Variants in LIMCH1 observed in about 807,000 individuals in gnomAD.
The protein encoded by LIMCH1 is LIM and calponin homology domains-containing protein 1.
LIMCH1 carries 113 observed loss-of-function variants against 176.5 expected under a neutral mutation model. That is an observed-to-expected ratio of 0.64 (90% CI 0.55 to 0.75). LIMCH1 has a LOEUF of 0.75. Among genes scored for constraint, LIMCH1 ranks in the 30% least tolerant of loss-of-function variants. The pLI, the probability that LIMCH1 is intolerant of heterozygous loss-of-function variation, is 0.00. For missense variants in LIMCH1, 1,674 were observed against 1,814.9 expected (o/e 0.92, Z 1.41); for synonymous variants, 619 against 645.9 (o/e 0.96, Z 0.63).
intron 1 of LIMCH1, among the ~76,000 whole-genome samples, chr4:41,365,835 G>A (rs2052885133): frequency 1.3e-5 from 2 of 152,244 alleles, no homozygotes; most frequent in South Asian, 2.1e-4. Flanking sequence ...GGAATGGGAG[G>A]TGGAGCTGGC....
chr4:41,401,913 G>C (rs983512622), intron 1 of LIMCH1, among the ~76,000 whole-genome samples: 1,754 of 152,192 alleles, frequency 0.012, 33 homozygotes, highest in African/African-American at 0.04. Context: ...AGTTGCTTAT[G>C]AGCTTAAGGA....
chr4:41,657,767 C>T (rs945481826), intron 18 of LIMCH1, among the ~76,000 whole-genome samples: 1 of 152,010 alleles, frequency 6.6e-6, no homozygotes, highest in Non-Finnish European at 1.5e-5. Flanking sequence ...ACAAGGATTA[C>T]GCATGTATCT....
intron 1 of LIMCH1, among the ~76,000 whole-genome samples, chr4:41,409,915 G>A (rs527992055): frequency 1.3e-5 from 2 of 152,220 alleles, no homozygotes; most frequent in African/African-American, 4.8e-5. Flanking sequence ...TTATCAAAAC[G>A]TTTTCTTCCT....
chr4:41,681,563 G>A (rs1265970444), intron 25 of LIMCH1, among the ~76,000 whole-genome samples: 1 of 152,132 alleles, frequency 6.6e-6, no homozygotes, highest in East Asian at 1.9e-4. Flanking sequence ...CTGCCTGGGA[G>A]GCTGAGGCAA....
intron 2 of LIMCH1, among the ~76,000 whole-genome samples, chr4:41,518,992 A>G (rs950410661): frequency 2.0e-5 from 3 of 152,132 alleles, no homozygotes; most frequent in Admixed American, 1.3e-4. Flanking sequence ...ATTGATGGGC[A>G]TTTGGGTTGG....
intron 1 of LIMCH1, among the ~76,000 whole-genome samples, chr4:41,579,070 G>A (rs2084971892): frequency 2.0e-5 from 3 of 150,066 alleles, no homozygotes; most frequent in South Asian, 2.1e-4. Flanking sequence ...TTTTTAATGG[G>A]ACCAAAACCT....
upstream of LIMCH1, among the ~76,000 whole-genome samples, chr4:41,534,278 A>G (rs548800217): frequency 1.3e-5 from 2 of 152,356 alleles, no homozygotes; most frequent in Admixed American, 1.3e-4. Context: ...TTTAAAAATT[A>G]TAGCTCATTT....
In LIMCH1 at chr4:41,646,524, C is replaced by T. The variant is rs548471874; in HGVS notation, c.2451C>T (p.Asn817=). ...RERELHEAYK[N]ARSQEEAEGI... is the part of the protein sequence containing the mutation. ...GAGAGCTGCATGAAGCATATAAGAA[C>T]GCTCGGTCCCAGGAGGAGGCAGAGG... Residue 817 remains asparagine (N), a synonymous_variant, in exon 17 of 32, where the codon AAC becomes AAT. Coordinates refer to ENST00000503057, the MANE Select transcript of LIMCH1 (RefSeq NM_001330672.2). 27 of 1,614,052 alleles carry T rather than the reference C, an allele frequency of 1.7e-5. No homozygotes were observed. The highest frequency in any genetic ancestry group is 2.7e-5 in the African/African-American group (2 of 75,018).
At chr4:41,440,446 A>G (rs1026685559) in intron 1 of LIMCH1, among the ~76,000 whole-genome samples, 8 of 152,326 alleles carry the variant, frequency 5.3e-5, no homozygotes, top group African/African-American at 1.7e-4. Context: ...CCCAAATGGT[A>G]CCATTGGGTT....
At chr4:41,489,972 G>A (rs1223620459) in intron 1 of LIMCH1, among the ~76,000 whole-genome samples, 1 of 152,100 alleles carries the variant, frequency 6.6e-6, no homozygotes, top group Non-Finnish European at 1.5e-5. Flanking sequence ...GAGAAAAAAT[G>A]TTATTAAAAA....
intron 5 of LIMCH1, among the ~76,000 whole-genome samples, chr4:41,615,818 G>T (rs999979520): frequency 2.0e-5 from 3 of 152,124 alleles, no homozygotes; most frequent in African/African-American, 7.2e-5. Flanking sequence ...TCAACTCTAT[G>T]TTGGGCCAAT....
intron 7 of LIMCH1, among the ~76,000 whole-genome samples, chr4:41,626,258 C>G (rs2092943637): frequency 6.6e-6 from 1 of 152,094 alleles, no homozygotes; most frequent in South Asian, 2.1e-4. Context: ...TGTGGTGTCA[C>G]ACAGCTGCAT....
intron 6 of LIMCH1, 99 bp from the exon 7 acceptor site, chr4:41,620,325 T>G: frequency 8.3e-7 from 1 of 1,208,430 alleles, no homozygotes; most frequent in Non-Finnish European, 1.1e-6. Flanking sequence ...CTTTCTTTTC[T>G]AAAGTGAAAA....
intron 20 of LIMCH1, among the ~76,000 whole-genome samples, chr4:41,664,334 T>A (rs80125041): frequency 1.2e-3 from 184 of 152,338 alleles, no homozygotes; most frequent in African/African-American, 4.1e-3. Context: ...GGCCCTGTGC[T>A]AGGTACTGGA....
At chr4:41,681,629 A>G (rs1206934399) in intron 25 of LIMCH1, among the ~76,000 whole-genome samples, 1 of 152,016 alleles carries the variant, frequency 6.6e-6, no homozygotes, top group Non-Finnish European at 1.5e-5. Context: ...TTGCCATTGC[A>G]CCACTGTACT....
chr4:41,393,926 C>G (rs2057532155), intron 1 of LIMCH1, among the ~76,000 whole-genome samples: 1 of 152,146 alleles, frequency 6.6e-6, no homozygotes, highest in African/African-American at 2.4e-5. Flanking sequence ...ATTGAATTAT[C>G]TCAGGAACTC....
rs528215578 is a variant in LIMCH1 at position 41,516,857 on chromosome 4, G to A, written c.168-7552G>A. Among the ~76,000 whole-genome samples the A allele has an allele frequency of 6.6e-5, 10 of 152,312 alleles. No individual in the cohort carries two copies. The South Asian group carries it at 1.0e-3, about 16-fold the overall frequency. ...TTCTGCTGCCATCCCAGCAAGATCC[G>A]GAGGGAAGTATGTGCCCAGGTGTTA... On this transcript the variant is annotated intron_variant, in intron 2 of 26. Transcript: ENST00000313860.
In LIMCH1 at chr4:41,629,483, A is replaced by G. The variant is rs986377620; in HGVS notation, c.1029-9A>G. The G allele has an allele frequency of 2.0e-6, 3 of 1,535,692 alleles. No individual in the cohort carries two copies. The highest frequency in any genetic ancestry group is 1.4e-5 in the African/African-American group (1 of 73,002). On this transcript the variant is annotated splice_polypyrimidine_tract_variant and intron_variant, in intron 8 of 31. Coordinates refer to ENST00000503057, the MANE Select transcript of LIMCH1 (RefSeq NM_001330672.2). ...TCCATTGGTGTGGGGGCCCGGATCAAATGGACAGAAACCAGGGCCACACAG... is the reference window on the plus strand; with the variant it reads ...TCCATTGGTGTGGGGGCCCGGATCAGATGGACAGAAACCAGGGCCACACAG...
intron 1 of LIMCH1, among the ~76,000 whole-genome samples, chr4:41,417,039 TG>T (rs1273964669): frequency 2.6e-5 from 4 of 152,174 alleles, no homozygotes; most frequent in African/African-American, 7.2e-5. Context: ...TTGTGACTTT[TG>T]GGGAGGTTAG....
Sources: allele counts gnomAD v4.1 joint callset (sites outside exome capture counted in the v4.1 genomes callset), GRCh38; gene constraint gnomAD v4.1.1; transcripts MANE v1.5; gene names NCBI Gene and HGNC (gene_info 2026-07-23, HGNC 2026-07-21).